ZNF350: variants seen among roughly 807,000 people sequenced by gnomAD.
ZNF350 encodes the protein zinc finger protein 350.
In ZNF350, 5 loss-of-function variants were observed where a neutral mutation model predicts 13.1. The observed-to-expected ratio is 0.38, with a 90% CI of 0.20 to 0.80. ZNF350 has a LOEUF of 0.80. ZNF350 is among the 30% of genes least tolerant of loss of function. The pLI is 0.43. For synonymous variants in ZNF350, 199 were observed against 224.2 expected, an observed-to-expected ratio of 0.89 and a Z score of 1.00; for missense variants, 534 against 644.2, an observed-to-expected ratio of 0.83 and a Z score of 1.85.
chr19:51,977,964 A>G (rs1270559109), intron 1 of ZNF350, among the ~76,000 whole-genome samples: 3 of 152,212 alleles, frequency 2.0e-5, no homozygotes. Flanking sequence ...ACATCTAAAA[A>G]AGGAATGCCG....
intron 1 of ZNF350, among the ~76,000 whole-genome samples, chr19:51,977,682 A>G (rs948351005): frequency 6.6e-6 from 1 of 152,222 alleles, no homozygotes; most frequent in East Asian, 1.9e-4. Context: ...TGAGGCACTG[A>G]AGCGTCAGAT....
chr19:51,983,823 C>A (rs1013831347), intron 1 of ZNF350, among the ~76,000 whole-genome samples: 1 of 152,132 alleles, frequency 6.6e-6, no homozygotes, highest in African/African-American at 2.4e-5. Flanking sequence ...ATATGCTGAA[C>A]ACCAGTCCCC....
At chr19:51,984,355 TAGGGTATGGCCAGATATTTTAAAGAGG>T (rs2086122900) in intron 1 of ZNF350, among the ~76,000 whole-genome samples, 1 of 152,124 alleles carries the variant, frequency 6.6e-6, no homozygotes, top group Admixed American at 6.5e-5. Flanking sequence ...TCAATGTTAT[TAGGGTATGGCCAGATATTTTAAAGAGG>T]CCACATAAAG....
intron 2 of ZNF350, 116 bp downstream of exon 2, chr19:51,974,230 C>A (rs2085824180): frequency 8.5e-7 from 1 of 1,181,258 alleles, no homozygotes; most frequent in African/African-American, 1.6e-5. Flanking sequence ...TTACTTCTCT[C>A]CAGATCCTGC....
In ZNF350 at chr19:51,965,629, G is replaced by C. The variant is rs767533556; in HGVS notation, c.824C>G (p.Ser275Ter). ...TGTTTTCTGATGTATGTTGAGCCGT[G>C]ATTTCTTGAGAAAGGCTTTGCCACA... ...PECGKAFLKK[S>*]RLNIHQKTHT... Residue 275 changes from serine (S) to a stop codon, truncating the protein, a stop_gained, in exon 5 of 5, where the codon TCA becomes TGA. Transcript: ENST00000243644. LOFTEE classifies it low-confidence loss of function (END_TRUNC). 2 of 1,614,058 alleles carry C rather than the reference G, an allele frequency of 1.2e-6. No homozygotes were observed. The highest frequency in any genetic ancestry group is 4.5e-5 in the East Asian group (2 of 44,900).
chr19:51,972,245 C>G (rs761047211), intron 2 of ZNF350, among the ~76,000 whole-genome samples: 2 of 149,628 alleles, frequency 1.3e-5, no homozygotes, highest in Non-Finnish European at 3.0e-5. Flanking sequence ...TGCTTGAGCC[C>G]AGGAGTTCAA....
intron 2 of ZNF350, 153 bp downstream of exon 2, chr19:51,974,193 G>T: frequency 1.4e-6 from 1 of 709,132 alleles, no homozygotes; most frequent in Non-Finnish European, 2.3e-6. Context: ...CTACTATTTT[G>T]CATGATATTG....
intron 1 of ZNF350, among the ~76,000 whole-genome samples, chr19:51,975,030 A>G (rs1314181154): frequency 6.6e-6 from 1 of 152,272 alleles, no homozygotes; most frequent in Non-Finnish European, 1.5e-5. Flanking sequence ...TAAATACATA[A>G]AAAGCTAAAA....
At chr19:51,972,639 A>G (rs1363089787) in intron 2 of ZNF350, among the ~76,000 whole-genome samples, 3 of 152,118 alleles carry the variant, frequency 2.0e-5, no homozygotes, top group Non-Finnish European at 4.4e-5. Flanking sequence ...AAATATATAT[A>G]TGTGTATATC....
At position 51,965,256 on chromosome 19, in the gene ZNF350, C is replaced by A. The variant is rs772535085; in HGVS notation, c.1197G>T (p.Glu399Asp). The A allele has an allele frequency of 6.2e-7, 1 of 1,614,102 alleles. No individual in the cohort carries two copies. Among genetic ancestry groups the A allele is most frequent in the African/African-American group, 1.3e-5 (1 of 74,950 alleles). Residue 399 changes from glutamate (E) to aspartate (D), a missense_variant, in exon 5 of 5, where the codon GAG becomes GAT. By Grantham distance (45) the Glu-to-Asp change is conservative (BLOSUM62 2). Transcript: ENST00000243644. The part of the protein sequence containing the change: ...LIVHQRTHTG[E>D]RPYGCNECGK... Reference sequence around the variant, plus strand: ...CACACTCGTTACAGCCATAGGGTCTCTCTCCTGTATGAGTCCTTTGATGGA... The same window carrying A: ...CACACTCGTTACAGCCATAGGGTCTATCTCCTGTATGAGTCCTTTGATGGA...
chr19:51,977,390 A>G (rs1002618484), intron 1 of ZNF350, among the ~76,000 whole-genome samples: 2 of 152,304 alleles, frequency 1.3e-5, no homozygotes, highest in Middle Eastern at 6.8e-3. Flanking sequence ...GCTAGTGCAT[A>G]TCTGACATGG....
chr19:51,977,800 G>A (rs2085936681), intron 1 of ZNF350, among the ~76,000 whole-genome samples: 1 of 152,206 alleles, frequency 6.6e-6, no homozygotes, highest in African/African-American at 2.4e-5. Flanking sequence ...AAAAACTTGG[G>A]AAATTTTCTC....
chr19:51,968,470 A>G (rs1248349170), intron 4 of ZNF350, 108 bp downstream of exon 4: 23 of 928,400 alleles, frequency 2.5e-5, no homozygotes, highest in East Asian at 1.9e-4. Flanking sequence ...GAGACAGATG[A>G]GTAGAGGAAC....
At chr19:51,973,234 C>A (rs558631939) in intron 2 of ZNF350, 1 of 152,070 alleles carries the variant, frequency 6.6e-6, no homozygotes, top group Non-Finnish European at 1.5e-5. Context: ...CATGAGCCAC[C>A]GCGCCCAGCC....
chr19:51,975,562 TAC>T (rs1451699030), intron 1 of ZNF350, among the ~76,000 whole-genome samples: 12 of 145,966 alleles, frequency 8.2e-5, no homozygotes, highest in African/African-American at 2.6e-4. Context: ...AAAGAGCAAA[TAC>T]AATGCATTTA....
chr19:51,977,392 C>A (rs1287655830), intron 1 of ZNF350, among the ~76,000 whole-genome samples: 1 of 152,200 alleles, frequency 6.6e-6, no homozygotes, highest in Non-Finnish European at 1.5e-5. Flanking sequence ...TAGTGCATAT[C>A]TGACATGGAA....
chr19:51,977,939 T>C lies in ZNF350; in HGVS notation c.-171-3408A>G, dbSNP rs77629059. 4.6e-3 allele frequency among the ~76,000 whole-genome samples: 708 copies of C among 152,294 alleles called. 3 individuals carry two copies. Among genetic ancestry groups the C allele is most frequent in the African/African-American group, 0.016 (665 of 41,568 alleles). ...ACCCTAAAGTGGGAAAATGTTGTAATTGTGGAAAAACTGGACATCTAAAAA... is the reference window on the plus strand; with the variant it reads ...ACCCTAAAGTGGGAAAATGTTGTAACTGTGGAAAAACTGGACATCTAAAAA... On this transcript the variant is annotated intron_variant, in intron 1 of 4. Transcript: ENST00000243644.
At chr19:51,984,971 T>C (rs1568489167) in intron 1 of ZNF350, among the ~76,000 whole-genome samples, 1 of 152,080 alleles carries the variant, frequency 6.6e-6, no homozygotes, top group Non-Finnish European at 1.5e-5. Context: ...GGCAAAACTG[T>C]ATTAACTACA....
At chr19:51,969,763 A>T (rs1474915440) in intron 2 of ZNF350, among the ~76,000 whole-genome samples, 1 of 152,174 alleles carries the variant, frequency 6.6e-6, no homozygotes, top group African/African-American at 2.4e-5. Context: ...TAGGAGTTAG[A>T]GACTACACTG....
Sources: gnomAD v4.1 joint callset for allele counts (sites outside exome capture counted in the v4.1 genomes callset) on GRCh38, gnomAD v4.1.1 for gene constraint, MANE v1.5 for transcripts, NCBI Gene and HGNC (gene_info 2026-07-23, HGNC 2026-07-21) for gene names.